Variants in RABGAP1L observed in about 807,000 individuals in gnomAD.
RABGAP1L encodes rab GTPase-activating protein 1-like.
In RABGAP1L, 63 loss-of-function variants were observed where a neutral mutation model predicts 137.7. The ratio of observed to expected loss-of-function variants is 0.46; its 90% CI spans 0.37 to 0.56. The LOEUF (loss-of-function observed/expected upper bound fraction) is 0.56. RABGAP1L is among the 20% of genes least tolerant of loss of function. The pLI is 0.00. For missense variants in RABGAP1L, 1,095 were observed against 1,244.0 expected (o/e 0.88, Z 1.80); for synonymous variants, 431 against 433.7 (o/e 0.99, Z 0.08).
chr1:174,923,878 CAAAAAAAAAA>C (rs1176474943), intron 19 of RABGAP1L, among the ~76,000 whole-genome samples: 1 of 87,282 alleles, frequency 1.1e-5, no homozygotes, highest in Non-Finnish European at 2.4e-5. Context: ...GAGACTGTCT[CAAAAAAAAAA>C]AAAAAAAGAA....
intron 5 of RABGAP1L, among the ~76,000 whole-genome samples, chr1:174,242,310 T>C (rs779526301): frequency 6.6e-5 from 10 of 152,242 alleles, no homozygotes; most frequent in Non-Finnish European, 1.5e-4. Flanking sequence ...GTTAATTACA[T>C]AGGGAAATCT....
Position 174,812,961 on chromosome 1 carries a change from G to A in RABGAP1L, c.2340+1001G>A, listed in dbSNP as rs1690029142. 2.0e-5 allele frequency among the ~76,000 whole-genome samples: 3 copies of A among 152,322 alleles called. No homozygotes were observed. The South Asian group carries it at 6.2e-4, about 32-fold the overall frequency. On this transcript the variant is annotated intron_variant, in intron 19 of 25. Coordinates refer to ENST00000681986, the MANE Select transcript of RABGAP1L (RefSeq NM_001366446.1). ...GGGCTTGAGAAACAGGAAGGCCAGT[G>A]CAGCTGGAGTGAAGTGAATGAAATG...
intron 13 of RABGAP1L, among the ~76,000 whole-genome samples, chr1:174,525,349 A>AT (rs902357171): frequency 6.6e-6 from 1 of 151,500 alleles, no homozygotes; most frequent in African/African-American, 2.4e-5. Flanking sequence ...TTTGGTAGAG[A>AT]TTTTTCACCT....
At chr1:174,564,279 T>G (rs1016011878) in intron 13 of RABGAP1L, among the ~76,000 whole-genome samples, 1 of 152,170 alleles carries the variant, frequency 6.6e-6, no homozygotes, top group East Asian at 1.9e-4. Flanking sequence ...TTTTTTCCCC[T>G]GAGACATACT....
chr1:174,867,144 A>G (rs1003944645), intron 19 of RABGAP1L, among the ~76,000 whole-genome samples: 13 of 152,058 alleles, frequency 8.5e-5, no homozygotes, highest in African/African-American at 2.7e-4. Flanking sequence ...GCATGTTGGG[A>G]GGCTGAGGCG....
chr1:174,674,356 C>T (rs549119489), intron 14 of RABGAP1L, among the ~76,000 whole-genome samples: 13 of 148,662 alleles, frequency 8.7e-5, no homozygotes, highest in Non-Finnish European at 1.3e-4. Flanking sequence ...TTTGTCCTTG[C>T]GATAGTTTAC....
chr1:174,760,201 A>G (rs1231850378), intron 18 of RABGAP1L, among the ~76,000 whole-genome samples: 1 of 151,310 alleles, frequency 6.6e-6, no homozygotes. Context: ...TTTTACTTTG[A>G]ATTTCAGGGG....
At chr1:174,548,029 C>T (rs942107686) in intron 13 of RABGAP1L, 4 of 1,550,470 alleles carry the variant, frequency 2.6e-6, no homozygotes, top group South Asian at 2.4e-5. Context: ...AAAACACCAA[C>T]TTATTAAGAG....
At chr1:174,608,138 C>T (rs1670923466) in intron 13 of RABGAP1L, among the ~76,000 whole-genome samples, 1 of 152,188 alleles carries the variant, frequency 6.6e-6, no homozygotes, top group Admixed American at 6.5e-5. Context: ...AAATTTGCCC[C>T]ATCCTAGCTT....
intron 19 of RABGAP1L, among the ~76,000 whole-genome samples, chr1:174,822,444 A>T (rs1455750682): frequency 6.6e-6 from 1 of 152,210 alleles, no homozygotes; most frequent in African/African-American, 2.4e-5. Context: ...ACAGTTGATA[A>T]CAGGCAGAGG....
intron 21 of RABGAP1L, among the ~76,000 whole-genome samples, chr1:174,975,414 T>C (rs1670562063): frequency 6.6e-6 from 1 of 152,230 alleles, no homozygotes; most frequent in South Asian, 2.1e-4. Context: ...ATCATCATTC[T>C]AGAAATATGA....
chr1:174,602,398 C>T (rs1435703990), intron 13 of RABGAP1L, among the ~76,000 whole-genome samples: 1 of 152,090 alleles, frequency 6.6e-6, no homozygotes, highest in Admixed American at 6.5e-5. Flanking sequence ...ACCAGAATAG[C>T]AGGGGAAACT....
chr1:174,765,838 A>G (rs1685625730), intron 18 of RABGAP1L, among the ~76,000 whole-genome samples: 1 of 152,160 alleles, frequency 6.6e-6, no homozygotes, highest in Non-Finnish European at 1.5e-5. Flanking sequence ...TAAGGGTTTT[A>G]TAATTGTAGC....
chr1:174,978,691 T>C (rs1670847947), intron 22 of RABGAP1L, 116 bp from the exon 23 acceptor site: 4 of 1,169,378 alleles, frequency 3.4e-6, no homozygotes, highest in African/African-American at 1.6e-5. Flanking sequence ...ATAATTTATA[T>C]AGTTAACATT....
At chr1:174,260,478 G>A (rs557089126) in intron 7 of RABGAP1L, among the ~76,000 whole-genome samples, 2 of 152,280 alleles carry the variant, frequency 1.3e-5, no homozygotes, top group East Asian at 1.9e-4. Flanking sequence ...ACAACTAAGA[G>A]GAGAAAGCAA....
chr1:174,940,317 T>C (rs1235825335), intron 19 of RABGAP1L, among the ~76,000 whole-genome samples: 1 of 151,750 alleles, frequency 6.6e-6, no homozygotes, highest in African/African-American at 2.4e-5. Context: ...CAGGCTGGAA[T>C]GCAGTTGCAC....
chr1:174,875,510 T>G, intron 19 of RABGAP1L: 4 of 985,014 alleles, frequency 4.1e-6, no homozygotes, highest in African/African-American at 1.7e-5. Flanking sequence ...ACAACAGGTG[T>G]CTTTGTCAGT....
intron 17 of RABGAP1L, among the ~76,000 whole-genome samples, chr1:174,748,623 C>T (rs1284755939): frequency 6.6e-6 from 1 of 151,886 alleles, no homozygotes; most frequent in African/African-American, 2.4e-5. Flanking sequence ...TTAATCTTAG[C>T]ACTTTGGGAG....
intron 11 of RABGAP1L, among the ~76,000 whole-genome samples, chr1:174,327,968 T>TATATAC (rs1553274468): frequency 7.0e-4 from 10 of 14,324 alleles, no homozygotes; most frequent in African/African-American, 6.3e-3. Context: ...TATATATATA[T>TATATAC]ATATATATAT....
Sources: gnomAD v4.1 joint callset for allele counts (sites outside exome capture counted in the v4.1 genomes callset) on GRCh38, gnomAD v4.1.1 for gene constraint, MANE v1.5 for transcripts, NCBI Gene and HGNC (gene_info 2026-07-23, HGNC 2026-07-21) for gene names.